Variants in BSND observed in about 807,000 individuals in gnomAD.
BSND encodes barttin CLCNK type accessory subunit beta.
In BSND, 13 loss-of-function variants were observed where a neutral mutation model predicts 18.8. The ratio of observed to expected loss-of-function variants is 0.69; its 90% CI spans 0.45 to 1.10. The LOEUF is 1.10. Ranked by LOEUF, BSND falls within the 50% of genes least tolerant of loss-of-function variation. The pLI is 0.00. For missense variants in BSND, 379 were observed against 416.7 expected (o/e 0.91, Z 0.79); for synonymous variants, 170 against 161.8 (o/e 1.05, Z -0.39).
chr1:55,008,993 C>T lies in BSND; in HGVS notation c.*365C>T, dbSNP rs1407002600. 4.8e-5 allele frequency: 18 copies of T among 375,660 alleles called. No individual in the cohort carries two copies. The Admixed American group carries it at 7.0e-4, about 15-fold the overall frequency. 23.3% of individuals were successfully genotyped at this position (375,660 alleles called of 1,614,324 possible). On this transcript the variant is annotated 3_prime_UTR_variant, in exon 4 of 4. Coordinates refer to ENST00000651561, the MANE Select transcript of BSND (RefSeq NM_057176.3). Reference sequence around the variant, plus strand: ...GTGAAGGCCAGTCAGGTTTCCCATTCCTATTGTGTCTTATAGTCCACTTGG... The same window carrying T: ...GTGAAGGCCAGTCAGGTTTCCCATTTCTATTGTGTCTTATAGTCCACTTGG...
chr1:55,002,621 G>T (rs1021587231), intron 1 of BSND, among the ~76,000 whole-genome samples: 5 of 152,194 alleles, frequency 3.3e-5, no homozygotes, highest in Non-Finnish European at 7.3e-5. Flanking sequence ...TGGTCTCCAT[G>T]GTCTGATATC....
Position 55,014,536 on chromosome 1 carries a change from G to A in BSND, c.*5908G>A, listed in dbSNP as rs535310907. 1.4e-4 allele frequency among the ~76,000 whole-genome samples: 21 copies of A among 152,354 alleles called. 1 individual carries two copies. The East Asian group carries it at 3.9e-3, about 28-fold the overall frequency. On this transcript the variant is annotated 3_prime_UTR_variant, in exon 4 of 4. Coordinates refer to ENST00000651561, the MANE Select transcript of BSND (RefSeq NM_057176.3). The stretch of plus-strand genomic sequence containing the variant: ...TTGCCTGCAGAGATGATGTTACAAT[G>A]TGTAGACATCAGGTGCCCATGTGCA...
intron 1 of BSND, among the ~76,000 whole-genome samples, chr1:55,003,955 T>G (rs1046205680): frequency 2.6e-5 from 4 of 152,240 alleles, no homozygotes; most frequent in African/African-American, 9.6e-5. Flanking sequence ...TCCAGAATGC[T>G]TTTTGTCTTG....
chr1:55,005,476 G>T (rs763241582), intron 2 of BSND, among the ~76,000 whole-genome samples: 1 of 152,238 alleles, frequency 6.6e-6, no homozygotes. Flanking sequence ...GAGGCATGGT[G>T]GTGGCCAAGG....
At chr1:54,999,700 G>A (rs1350291232) in intron 1 of BSND, among the ~76,000 whole-genome samples, 3 of 152,196 alleles carry the variant, frequency 2.0e-5, no homozygotes, top group Non-Finnish European at 2.9e-5. Context: ...GCACTCCTGC[G>A]TTCAGGGTGC....
At chr1:55,005,861 C>T (rs1296647030) in intron 2 of BSND, among the ~76,000 whole-genome samples, 1 of 152,168 alleles carries the variant, frequency 6.6e-6, no homozygotes, top group Non-Finnish European at 1.5e-5. Context: ...GAAGCCGGGC[C>T]TGCACTCAGC....
Position 55,014,229 on chromosome 1 carries a change from GCTCATGGCCCAGGGGCATGGA to G in BSND, c.*5605_*5625del, listed in dbSNP as rs1273510158. ...ACCGAACCGGGTGCCCACTCTGAAGGCTCATGGCCCAGGGGCATGGACTCCTAGCCCAGGGCTGAGGAGCAC... is the reference window on the plus strand; with the variant it reads ...ACCGAACCGGGTGCCCACTCTGAAGGCTCCTAGCCCAGGGCTGAGGAGCAC... On this transcript the variant is annotated 3_prime_UTR_variant, in exon 4 of 4. Coordinates refer to ENST00000651561, the MANE Select transcript of BSND (RefSeq NM_057176.3). 1.3e-5 allele frequency among the ~76,000 whole-genome samples: 2 copies of G among 152,218 alleles called. No individual in the cohort carries two copies. The highest frequency in any genetic ancestry group is 4.8e-5 in the African/African-American group (2 of 41,452).
chr1:55,001,201 CGTGTGTGTGTGT>C (rs36051858), intron 1 of BSND, among the ~76,000 whole-genome samples: 8,015 of 137,002 alleles, frequency 0.059, 455 homozygotes, highest in African/African-American at 0.15. Flanking sequence ...ACAGTGGGAT[CGTGTGTGTGTGT>C]GTGTGTGTGT....
Position 55,016,805 on chromosome 1 carries a change from A to G in BSND, c.*8177A>G, listed in dbSNP as rs548976530. Among the ~76,000 whole-genome samples the G allele has an allele frequency of 8.1e-4, 123 of 152,342 alleles. No individual in the cohort carries two copies. Among genetic ancestry groups the G allele is most frequent in the Middle Eastern group, 3.4e-3 (1 of 294 alleles). ...AGACTATACTTACAGAAGGCAGTTT[A>G]TCATAGCGTTGATGATGGTAGATGA... On this transcript the variant is annotated 3_prime_UTR_variant, in exon 4 of 4. Transcript: ENST00000651561.
At position 55,008,569 on chromosome 1, in the gene BSND, G is replaced by T; in HGVS notation, c.904G>T (p.Gly302Ter). 1 of 1,614,186 alleles carries T rather than the reference G, an allele frequency of 6.2e-7. No homozygotes were observed. Among genetic ancestry groups the T allele is most frequent in the Middle Eastern group, 1.6e-4 (1 of 6,062 alleles). ...EEDLYYGLPD[G>*]AGDLLPDKEL... ...AGACCTGTACTATGGGCTGCCAGATGGAGCCGGGGACCTCCTCCCGGACAA... is the reference window on the plus strand; with the variant it reads ...AGACCTGTACTATGGGCTGCCAGATTGAGCCGGGGACCTCCTCCCGGACAA... The change falls in exon 4 of 4, where the codon GGA becomes TGA. Residue 302 changes from glycine to a stop codon, truncating the protein, a stop_gained. Transcript: ENST00000651561. LOFTEE classifies it high-confidence loss of function.
chr1:55,001,603 T>G (rs1644362177), intron 1 of BSND, among the ~76,000 whole-genome samples: 1 of 151,960 alleles, frequency 6.6e-6, no homozygotes, highest in African/African-American at 2.4e-5. Flanking sequence ...TGGGGAGATA[T>G]AAATATAAGG....
intron 3 of BSND, 36 bp from the exon 4 acceptor site, chr1:55,008,178 G>A (rs778736351): frequency 6.3e-7 from 1 of 1,591,288 alleles, no homozygotes; most frequent in South Asian, 1.1e-5. Flanking sequence ...TTCTGACTCA[G>A]AGATACCCTT....
rs1644410009 is a variant in BSND, at chr1:55,009,347, C to G, written c.*719C>G. 1 of 153,342 alleles carries G rather than the reference C, an allele frequency of 6.5e-6. No homozygotes were observed. The highest frequency in any genetic ancestry group is 2.4e-5 in the African/African-American group (1 of 41,452). 9.5% of individuals were successfully genotyped at this position (153,342 alleles called of 1,614,324 possible). The stretch of plus-strand genomic sequence containing the variant: ...TCGCTGCCTCCTGGAACCAGGTGGT[C>G]TTGCCTCTCTGCGCTGCCTTTGGGA... On this transcript the variant is annotated 3_prime_UTR_variant, in exon 4 of 4. Transcript: ENST00000651561.
chr1:55,002,870 T>C (rs1417702500), intron 1 of BSND, among the ~76,000 whole-genome samples: 1 of 66,706 alleles, frequency 1.5e-5, no homozygotes, highest in Non-Finnish European at 2.9e-5. Flanking sequence ...GAGATGATGA[T>C]GGTGAGGATG....
rs755897497 is a variant in BSND, at chr1:55,005,060, C to T, written c.216C>T (p.Ile72=). ...CTGCTGACTCTGACTTTCAAGGCAT[C>T]CTCTCCCCAAAGGCCATGGGCCTGC... ...FVPADSDFQG[I]LSPKAMGLLE... is the part of the protein sequence containing the mutation. Residue 72 remains isoleucine (I), a synonymous_variant, in exon 2 of 4, where the codon ATC becomes ATT. Transcript: ENST00000651561. 31 of 1,614,100 alleles carry T rather than the reference C, an allele frequency of 1.9e-5. No individual in the cohort carries two copies. Among genetic ancestry groups the T allele is most frequent in the Non-Finnish European group, 2.3e-5 (27 of 1,180,052 alleles).
intron 1 of BSND, 126 bp from the exon 2 acceptor site, chr1:55,004,896 G>A (rs1644381788): frequency 1.2e-6 from 1 of 831,368 alleles, no homozygotes; most frequent in Non-Finnish European, 2.0e-6. Flanking sequence ...CTCCTGTCAA[G>A]CAGGGAGGCC....
intron 1 of BSND, among the ~76,000 whole-genome samples, chr1:55,003,761 G>T (rs1644374793): frequency 6.6e-6 from 1 of 152,138 alleles, no homozygotes; most frequent in African/African-American, 2.4e-5. Flanking sequence ...TATGTGCTGG[G>T]GACCATGCTG....
In BSND at chr1:55,007,086, T is replaced by C; in HGVS notation, c.362T>C (p.Val121Ala). ...LPDFSHIQMK[V>A]MSYSEDHRSL... Reference sequence around the variant, plus strand: ...GACTTCAGCCACATCCAGATGAAAGTCATGAGCTACAGTGAGGACCACCGC... The same window carrying C: ...GACTTCAGCCACATCCAGATGAAAGCCATGAGCTACAGTGAGGACCACCGC... Residue 121 changes from valine (V) to alanine (A), a missense_variant, in exon 3 of 4, where the codon GTC (valine) becomes GCC (alanine). Val to Ala is a moderately conservative substitution (Grantham distance 64). Transcript: ENST00000651561. 6 of 1,614,128 alleles carry C rather than the reference T, an allele frequency of 3.7e-6. No individual in the cohort carries two copies. Among genetic ancestry groups the C allele is most frequent in the Non-Finnish European group, 5.1e-6 (6 of 1,180,032 alleles).
chr1:55,007,929 G>A (rs1644399941), intron 3 of BSND, among the ~76,000 whole-genome samples: 1 of 152,208 alleles, frequency 6.6e-6, no homozygotes, highest in African/African-American at 2.4e-5. Flanking sequence ...GGAGAACCCT[G>A]AATAATTGGA....
Sources: allele counts gnomAD v4.1 joint callset (sites outside exome capture counted in the v4.1 genomes callset), GRCh38; gene constraint gnomAD v4.1.1; transcripts MANE v1.5; gene names NCBI Gene and HGNC (gene_info 2026-07-23, HGNC 2026-07-21).